The following RALYL variants were observed in gnomAD, a reference collection of about 807,000 sequenced individuals.
The protein encoded by RALYL is RALY RNA binding protein like.
Under a neutral mutation model 35.1 loss-of-function variants are expected in RALYL, and 29 were observed. The observed-to-expected ratio is 0.83, with a 90% CI of 0.61 to 1.13. The LOEUF is 1.13. Among genes scored for constraint, RALYL ranks in the 50% most tolerant of loss-of-function variants. The pLI, the probability that RALYL is intolerant of heterozygous loss-of-function variation, is 0.00. For synonymous variants in RALYL, 120 were observed against 127.6 expected (o/e 0.94, Z 0.40); for missense variants, 359 against 360.4 (o/e 1.00, Z 0.03).
At chr8:84,351,169 T>G (rs1850814784) in intron 1 of RALYL, among the ~76,000 whole-genome samples, 1 of 150,226 alleles carries the variant, frequency 6.7e-6, no homozygotes, top group Non-Finnish European at 1.5e-5. Flanking sequence ...CAAAACCAGT[T>G]CTATACTAAA....
chr8:84,829,640 C>A (rs1482301113), intron 4 of RALYL, among the ~76,000 whole-genome samples: 1 of 152,046 alleles, frequency 6.6e-6, no homozygotes, highest in African/African-American at 2.4e-5. Flanking sequence ...TCAATCAAAC[C>A]AAACACACTG....
At chr8:84,507,230 A>G (rs2057245444) in intron 1 of RALYL, among the ~76,000 whole-genome samples, 2 of 152,250 alleles carry the variant, frequency 1.3e-5, no homozygotes, top group African/African-American at 4.8e-5. Flanking sequence ...TTATTTGTGC[A>G]TAAGTTTCTC....
At chr8:84,612,053 G>A (rs1818421264) in intron 2 of RALYL, among the ~76,000 whole-genome samples, 1 of 151,814 alleles carries the variant, frequency 6.6e-6, no homozygotes, top group Non-Finnish European at 1.5e-5. Context: ...TCTTTTCATA[G>A]TAATGGTATT....
chr8:84,463,938 C>A (rs1181877388), intron 1 of RALYL, among the ~76,000 whole-genome samples: 2 of 151,952 alleles, frequency 1.3e-5, no homozygotes, highest in Non-Finnish European at 2.9e-5. Context: ...CTTTGTATCC[C>A]TATAGTTTCG....
At chr8:84,714,590 A>C (rs1255432882) in intron 2 of RALYL, among the ~76,000 whole-genome samples, 3 of 151,932 alleles carry the variant, frequency 2.0e-5, no homozygotes, top group African/African-American at 7.2e-5. Flanking sequence ...AACCATTCAT[A>C]AGCATCAATG....
intron 1 of RALYL, among the ~76,000 whole-genome samples, chr8:84,459,211 A>G (rs1013293928): frequency 2.0e-5 from 3 of 151,802 alleles, no homozygotes; most frequent in Non-Finnish European, 4.4e-5. Flanking sequence ...ATTAAAGTCT[A>G]CAAAAGGGAT....
At chr8:84,834,050 T>G (rs1831463427) in intron 4 of RALYL, among the ~76,000 whole-genome samples, 1 of 152,168 alleles carries the variant, frequency 6.6e-6, no homozygotes, top group Non-Finnish European at 1.5e-5. Flanking sequence ...AGGAAAACTT[T>G]GAAAAAATCA....
intron 8 of RALYL, among the ~76,000 whole-genome samples, chr8:84,911,233 T>C (rs1406368850): frequency 6.6e-6 from 1 of 152,134 alleles, no homozygotes; most frequent in Non-Finnish European, 1.5e-5. Context: ...AACTAGCAAC[T>C]ATCCATTGAC....
intron 1 of RALYL, among the ~76,000 whole-genome samples, chr8:84,367,318 A>ATTTGTTTTTGTTTTTGTTT (rs756622990): frequency 1.1e-4 from 3 of 27,400 alleles, no homozygotes; most frequent in Non-Finnish European, 3.0e-4. Flanking sequence ...TAATTTTTGT[A>ATTTGTTTTTGTTTTTGTTT]TTTTTTTTTT....
intron 1 of RALYL, among the ~76,000 whole-genome samples, chr8:84,486,341 G>A (rs10110773): frequency 0.04 from 5,946 of 150,326 alleles, 240 homozygotes; most frequent in African/African-American, 0.099. Flanking sequence ...ATACTTAAAA[G>A]CTTAATATTT....
intron 1 of RALYL, among the ~76,000 whole-genome samples, chr8:84,514,112 AAAAG>A (rs1336663746): frequency 4.4e-4 from 62 of 140,104 alleles, no homozygotes; most frequent in Non-Finnish European, 7.1e-4. Context: ...AAAAAAAAAA[AAAAG>A]AAAGAAAGAA....
intron 1 of RALYL, among the ~76,000 whole-genome samples, chr8:84,510,720 G>A (rs1351582062): frequency 1.3e-5 from 2 of 151,916 alleles, no homozygotes; most frequent in Non-Finnish European, 2.9e-5. Context: ...TGAGGCAGGA[G>A]AATTGCTTGA....
chr8:84,785,642 T>TA (rs937597607), intron 3 of RALYL, among the ~76,000 whole-genome samples: 12 of 152,328 alleles, frequency 7.9e-5, no homozygotes, highest in African/African-American at 2.9e-4. Flanking sequence ...AAAACATTTT[T>TA]AAAAAATTAA....
intron 2 of RALYL, among the ~76,000 whole-genome samples, chr8:84,702,641 C>T (rs1177991905): frequency 6.6e-6 from 1 of 151,694 alleles, no homozygotes; most frequent in Non-Finnish European, 1.5e-5. Flanking sequence ...CCTTTTCTTC[C>T]TCTCTCTCCT....
chr8:84,600,763 G>T lies in RALYL; in HGVS notation c.256+71186G>T, dbSNP rs576279807. Among the ~76,000 whole-genome samples the T allele has an allele frequency of 2.0e-5, 3 of 152,204 alleles. No homozygotes were observed. In the South Asian group the frequency reaches 6.2e-4, roughly 32 times the overall value. ...TTTTCTTTAAATACAAAGCCACATT[G>T]TTAGGATGAACTTGATTCTGCCATC... On this transcript the variant is annotated intron_variant, in intron 2 of 8. Coordinates refer to ENST00000521268, the MANE Select transcript of RALYL (RefSeq NM_173848.7).
At chr8:84,883,498 G>C (rs1299003302) in intron 7 of RALYL, among the ~76,000 whole-genome samples, 1 of 152,008 alleles carries the variant, frequency 6.6e-6, no homozygotes, top group Non-Finnish European at 1.5e-5. Context: ...GCAGGCAAGA[G>C]AGAATGAGAG....
At chr8:84,232,769 A>G (rs1825653240) in intron 1 of RALYL, among the ~76,000 whole-genome samples, 2 of 152,118 alleles carry the variant, frequency 1.3e-5, no homozygotes, top group African/African-American at 4.8e-5. Context: ...TAAAAAAGCT[A>G]TATAATATGA....
intron 1 of RALYL, among the ~76,000 whole-genome samples, chr8:84,427,232 C>T (rs1394383250): frequency 6.6e-6 from 1 of 152,218 alleles, no homozygotes; most frequent in Non-Finnish European, 1.5e-5. Context: ...TCGTTTGCCT[C>T]AGCTATGGCA....
At chr8:84,367,318 A>ATTTGTTTTTGTTTT (rs756622990) in intron 1 of RALYL, among the ~76,000 whole-genome samples, 9 of 27,400 alleles carry the variant, frequency 3.3e-4, no homozygotes, top group Non-Finnish European at 6.9e-4. Flanking sequence ...TAATTTTTGT[A>ATTTGTTTTTGTTTT]TTTTTTTTTT....
Sources: gnomAD v4.1 joint callset for allele counts (sites outside exome capture counted in the v4.1 genomes callset) on GRCh38, gnomAD v4.1.1 for gene constraint, MANE v1.5 for transcripts, NCBI Gene and HGNC (gene_info 2026-07-23, HGNC 2026-07-21) for gene names.